Variants in ST3GAL6 observed in about 807,000 individuals in gnomAD.
ST3GAL6 encodes the protein type 2 lactosamine alpha-2,3-sialyltransferase.
A neutral mutation model predicts 40.5 loss-of-function variants in ST3GAL6; 31 were observed. The ratio of observed to expected loss-of-function variants is 0.77; its 90% CI spans 0.58 to 1.03. The LOEUF is 1.03. ST3GAL6 is among the 50% of genes least tolerant of loss of function. ST3GAL6 has a pLI of 0.00. For synonymous variants in ST3GAL6, 129 were observed against 136.9 expected, an observed-to-expected ratio of 0.94 and a Z score of 0.40; for missense variants, 357 against 393.2, an observed-to-expected ratio of 0.91 and a Z score of 0.78.
chr3:98,771,712 C>T (rs1939013778), intron 3 of ST3GAL6, among the ~76,000 whole-genome samples: 1 of 152,126 alleles, frequency 6.6e-6, no homozygotes, highest in Admixed American at 6.5e-5. Context: ...TCAATCAACT[C>T]TCTGGAAAAC....
intron 5 of ST3GAL6, chr3:98,782,247 C>T (rs1432568403): frequency 1.6e-5 from 11 of 703,138 alleles, no homozygotes; most frequent in Admixed American, 4.0e-5. Flanking sequence ...GCCTGCTGGA[C>T]AGCAAGGACT....
chr3:98,787,691 G>T (rs529976897), intron 6 of ST3GAL6, among the ~76,000 whole-genome samples: 84 of 152,300 alleles, frequency 5.5e-4, no homozygotes, highest in African/African-American at 2.0e-3. Context: ...CTCTCCAGGG[G>T]TTTGTCCTCC....
intron 5 of ST3GAL6, 22 bp from the exon 6 acceptor site, chr3:98,784,923 C>T: frequency 6.3e-7 from 1 of 1,587,388 alleles, no homozygotes; most frequent in Non-Finnish European, 8.6e-7. Flanking sequence ...CTCAATCTCT[C>T]ACTTGTCCAT....
intron 1 of ST3GAL6, among the ~76,000 whole-genome samples, chr3:98,738,024 CT>C (rs1935703149): frequency 6.6e-6 from 1 of 152,036 alleles, no homozygotes; most frequent in African/African-American, 2.4e-5. Context: ...CACCATCCCC[CT>C]GGGTGCTGTT....
intron 1 of ST3GAL6, among the ~76,000 whole-genome samples, chr3:98,737,294 G>T (rs1355518478): frequency 6.6e-6 from 1 of 152,026 alleles, no homozygotes; most frequent in African/African-American, 2.4e-5. Context: ...CAGGTGATCC[G>T]CCCACTTCGG....
chr3:98,786,793 G>C (rs1042290661), intron 6 of ST3GAL6, among the ~76,000 whole-genome samples: 4 of 151,968 alleles, frequency 2.6e-5, no homozygotes, highest in Middle Eastern at 3.2e-3. Context: ...GAGGGGAAGG[G>C]GGTTCAGAAC....
chr3:98,778,986 C>T (rs781676853), intron 5 of ST3GAL6, among the ~76,000 whole-genome samples: 5 of 152,132 alleles, frequency 3.3e-5, no homozygotes, highest in Non-Finnish European at 5.9e-5. Context: ...CAGGGAGTAC[C>T]GATTCATTCA....
chr3:98,784,600 G>A (rs186182869), intron 5 of ST3GAL6: 11 of 207,674 alleles, frequency 5.3e-5, no homozygotes, highest in East Asian at 1.1e-4. Context: ...CCACTTTGGA[G>A]TATGACTTTA....
rs59684850 is a variant in ST3GAL6, at chr3:98,743,638, A to T, written c.-12+11106A>T. 8.6e-3 allele frequency among the ~76,000 whole-genome samples: 1,309 copies of T among 152,314 alleles called. 17 individuals carry two copies. Among genetic ancestry groups the T allele is most frequent in the African/African-American group, 0.03 (1,246 of 41,566 alleles). The stretch of plus-strand genomic sequence containing the variant: ...CAATAAATTTCCTTACAGTGAATGC[A>T]CCCAGGCAAGCTGCCTCCAGATGAA... On this transcript the variant is annotated intron_variant, in intron 1 of 9. Transcript: ENST00000265261.
At chr3:98,780,312 G>A (rs546638663) in intron 5 of ST3GAL6, among the ~76,000 whole-genome samples, 3 of 152,162 alleles carry the variant, frequency 2.0e-5, no homozygotes, top group Non-Finnish European at 2.9e-5. Flanking sequence ...CCTCAAAAGA[G>A]TTTCTATGTG....
intron 1 of ST3GAL6, chr3:98,733,317 A>G (rs1935218370): frequency 1.7e-6 from 2 of 1,159,500 alleles, no homozygotes; most frequent in East Asian, 8.2e-5. Context: ...CCTCGCGGGT[A>G]AGCCCAGGAG....
rs764775777 is a variant in ST3GAL6, at chr3:98,752,581, C to G, written c.-11-15849C>G. 2.0e-5 allele frequency among the ~76,000 whole-genome samples: 3 copies of G among 152,128 alleles called. No individual in the cohort carries two copies. In the South Asian group the frequency reaches 6.2e-4, roughly 32 times the overall value. On this transcript the variant is annotated intron_variant, in intron 1 of 9. Coordinates refer to the ST3GAL6 transcript ENST00000265261. ...CCGCCTCCTGGGTTCATGCCATTCT[C>G]CTGCCTCAGCCTCGCGAGTAGCTGG...
chr3:98,787,068 G>T (rs932233007), intron 6 of ST3GAL6, among the ~76,000 whole-genome samples: 1 of 151,958 alleles, frequency 6.6e-6, no homozygotes, highest in Admixed American at 6.6e-5. Flanking sequence ...AGCTTTGGGG[G>T]TTTTGTGGGG....
intron 1 of ST3GAL6, among the ~76,000 whole-genome samples, chr3:98,738,282 C>CT (rs964095576): frequency 3.1e-4 from 46 of 148,402 alleles, no homozygotes; most frequent in East Asian, 1.8e-3. Context: ...TTCTTTCTTT[C>CT]TTTTTTTTTT....
chr3:98,763,954 G>A (rs1333438432), intron 1 of ST3GAL6, among the ~76,000 whole-genome samples: 2 of 152,106 alleles, frequency 1.3e-5, no homozygotes, highest in Non-Finnish European at 2.9e-5. Flanking sequence ...CTTTCTGTGG[G>A]TCAGAATCAG....
At chr3:98,748,657 G>C (rs1936743738) in intron 1 of ST3GAL6, among the ~76,000 whole-genome samples, 1 of 152,084 alleles carries the variant, frequency 6.6e-6, no homozygotes, top group Non-Finnish European at 1.5e-5. Flanking sequence ...GTAGAGACGG[G>C]GTTTTGCCAT....
Position 98,795,704 on chromosome 3 carries a change from T to C in ST3GAL6, c.*1943T>C, listed in dbSNP as rs889374071. ...GGGGAGGGCAAGGGCTGAAAGACTA[T>C]GTATTGGGTACTATGCTCACAACCT... On this transcript the variant is annotated 3_prime_UTR_variant, in exon 10 of 10. Coordinates refer to ENST00000483910, the MANE Select transcript of ST3GAL6 (RefSeq NM_001323368.2). 6.6e-6 allele frequency: 1 copy of C among 152,198 alleles called. No homozygotes were observed. The highest frequency in any genetic ancestry group is 1.5e-5 in the Non-Finnish European group (1 of 68,066). The allele number at this position is 152,198 out of a possible 1,614,324, so 9.4% of individuals were successfully genotyped here.
chr3:98,757,173 C>T (rs1004897195), intron 1 of ST3GAL6, among the ~76,000 whole-genome samples: 1 of 152,186 alleles, frequency 6.6e-6, no homozygotes, highest in Non-Finnish European at 1.5e-5. Context: ...TATATGCAGG[C>T]ACTCAATGAT....
intron 5 of ST3GAL6, among the ~76,000 whole-genome samples, chr3:98,780,850 T>C (rs753093731): frequency 1.3e-5 from 2 of 151,986 alleles, no homozygotes; most frequent in Non-Finnish European, 2.9e-5. Context: ...TGTGATAGAG[T>C]GGAAACTTCT....
Sources: gnomAD v4.1 joint callset for allele counts (sites outside exome capture counted in the v4.1 genomes callset) on GRCh38, gnomAD v4.1.1 for gene constraint, MANE v1.5 for transcripts, NCBI Gene and HGNC (gene_info 2026-07-23, HGNC 2026-07-21) for gene names.